The following CEP41 variants were observed in gnomAD, a reference collection of about 807,000 sequenced individuals.
CEP41 encodes centrosomal protein 41.
In CEP41, 32 loss-of-function variants were observed where a neutral mutation model predicts 44.3. The ratio of observed to expected loss-of-function variants is 0.72; its 90% CI spans 0.54 to 0.97. CEP41 has a LOEUF of 0.97. Ranked by LOEUF, CEP41 falls within the 50% of genes least tolerant of loss-of-function variation. The pLI, the probability that CEP41 is intolerant of heterozygous loss-of-function variation, is 0.00. For synonymous variants in CEP41, 151 were observed against 168.5 expected (o/e 0.90, Z 0.80); for missense variants, 432 against 455.2 (o/e 0.95, Z 0.46).
In CEP41 at chr7:130,399,334, A is replaced by G. The variant is rs1210163221; in HGVS notation, c.974-295T>C. 1.8e-5 allele frequency: 8 copies of G among 440,594 alleles called. No individual in the cohort carries two copies. The East Asian group carries it at 3.6e-4, about 20-fold the overall frequency. 27.3% of individuals were successfully genotyped at this position (440,594 alleles called of 1,614,324 possible). On this transcript the variant is annotated intron_variant, in intron 10 of 10. Coordinates refer to ENST00000223208, the MANE Select transcript of CEP41 (RefSeq NM_018718.3). ...ACTACTTCCTTGGTAGAGAGGATGC[A>G]GACGAGGAGTGATTTGGGGAAAGAA... is the stretch of plus-strand genomic sequence containing the variant.
intron 1 of CEP41, among the ~76,000 whole-genome samples, chr7:130,432,677 C>T (rs749840104): frequency 1.3e-4 from 20 of 151,292 alleles, no homozygotes; most frequent in Non-Finnish European, 2.7e-4. Flanking sequence ...GTGGGAAGAT[C>T]CCTTGAGCCC....
chr7:130,441,284 C>T (rs1266719919), upstream of CEP41: 2 of 183,156 alleles, frequency 1.1e-5, no homozygotes, highest in African/African-American at 3.8e-5. Flanking sequence ...GGCGCCTGCG[C>T]AAAGCCGGGG....
chr7:130,400,889 A>C (rs1796824237), intron 8 of CEP41, 68 bp from the exon 9 acceptor site: 1 of 1,002,860 alleles, frequency 1.0e-6, no homozygotes, highest in African/African-American at 1.6e-5. Context: ...GAAACCCCCA[A>C]GGAATAAAAG....
chr7:130,416,608 T>A (rs78504485), intron 3 of CEP41, among the ~76,000 whole-genome samples: 1 of 152,230 alleles, frequency 6.6e-6, no homozygotes, highest in Non-Finnish European at 1.5e-5. Context: ...AAGAAGGGCA[T>A]GAAGACTGCA....
intron 10 of CEP41, 128 bp downstream of exon 10, chr7:130,399,911 C>T: frequency 1.3e-6 from 1 of 787,358 alleles, no homozygotes; most frequent in East Asian, 2.5e-5. Flanking sequence ...GCCTCCCCTC[C>T]CCAGCACCTG....
At chr7:130,418,093 T>C (rs1797387515) in intron 2 of CEP41, among the ~76,000 whole-genome samples, 1 of 152,202 alleles carries the variant, frequency 6.6e-6, no homozygotes, top group Non-Finnish European at 1.5e-5. Context: ...ATTGTTTTCT[T>C]TTCTTTTCTT....
At position 130,398,290 on chromosome 7, in the gene CEP41, T is replaced by C. The variant is rs1264485647; in HGVS notation, c.*601A>G. 1.1e-5 allele frequency: 5 copies of C among 454,012 alleles called. No homozygotes were observed. The highest frequency in any genetic ancestry group is 4.0e-5 in the African/African-American group (2 of 50,074). 28.1% of individuals were successfully genotyped at this position (454,012 alleles called of 1,614,324 possible). A position where few individuals can be genotyped will look rare whatever the true frequency, so the allele number is the denominator to read the frequency against. The stretch of plus-strand genomic sequence containing the variant: ...CTACTTTCCTCATCTTCAATTTCAG[T>C]GAGTACACAGGCACTGGCTTCCATA... On this transcript the variant is annotated 3_prime_UTR_variant, in exon 11 of 11. Coordinates refer to ENST00000223208, the MANE Select transcript of CEP41 (RefSeq NM_018718.3).
chr7:130,423,246 C>T (rs1293504973), intron 2 of CEP41, among the ~76,000 whole-genome samples: 1 of 152,084 alleles, frequency 6.6e-6, no homozygotes, highest in Non-Finnish European at 1.5e-5. Context: ...CTGCGCCCAG[C>T]CAAAAGAACT....
At chr7:130,408,511 A>G (rs1212523191) in intron 5 of CEP41, among the ~76,000 whole-genome samples, 2 of 152,236 alleles carry the variant, frequency 1.3e-5, no homozygotes, top group Non-Finnish European at 2.9e-5. Flanking sequence ...CTTACTATCA[A>G]ATAAATAAAA....
chr7:130,401,964 A>G lies in CEP41; in HGVS notation c.575-16T>C, dbSNP rs1398785489. 2 of 1,576,218 alleles carry G rather than the reference A, an allele frequency of 1.3e-6. No homozygotes were observed. Among genetic ancestry groups the G allele is most frequent in the East Asian group, 4.5e-5 (2 of 44,658 alleles). On this transcript the variant is annotated splice_polypyrimidine_tract_variant and intron_variant, in intron 7 of 10. Coordinates refer to ENST00000223208, the MANE Select transcript of CEP41 (RefSeq NM_018718.3). ...TAACTGTAAGCTGCAAAGAGAAGAA[A>G]AAGTTTAGGAAGTCTGTTGTTCTCT...
At chr7:130,422,589 T>C (rs564561044) in intron 2 of CEP41, among the ~76,000 whole-genome samples, 35 of 152,134 alleles carry the variant, frequency 2.3e-4, no homozygotes, top group Non-Finnish European at 3.5e-4. Flanking sequence ...GGGAGGTAAG[T>C]CACAAAAATG....
chr7:130,436,484 T>C (rs905763618), intron 1 of CEP41, among the ~76,000 whole-genome samples: 3 of 152,214 alleles, frequency 2.0e-5, no homozygotes, highest in African/African-American at 7.2e-5. Flanking sequence ...AATCTACATA[T>C]ATGTAAATCT....
intron 2 of CEP41, among the ~76,000 whole-genome samples, chr7:130,424,312 AC>A (rs1417017624): frequency 1.2e-4 from 18 of 151,948 alleles, no homozygotes; most frequent in African/African-American, 4.1e-4. Flanking sequence ...AGGTGGGAGA[AC>A]TGCTTGAGCC....
intron 5 of CEP41, among the ~76,000 whole-genome samples, chr7:130,406,221 G>A (rs1797003773): frequency 6.6e-6 from 1 of 152,138 alleles, no homozygotes; most frequent in Non-Finnish European, 1.5e-5. Flanking sequence ...ATTTTTAATA[G>A]AGTGGAGGAA....
At chr7:130,404,753 T>A in intron 5 of CEP41, 45 bp from the exon 6 acceptor site, 1 of 1,388,094 alleles carries the variant, frequency 7.2e-7, no homozygotes. Context: ...ACCTCAGGAT[T>A]TGTATTTACT....
At chr7:130,422,969 C>CG (rs781840533) in intron 2 of CEP41, among the ~76,000 whole-genome samples, 9 of 152,130 alleles carry the variant, frequency 5.9e-5, no homozygotes, top group Admixed American at 2.0e-4. Flanking sequence ...TTTTTGGAGA[C>CG]GGAGTCTCGC....
At chr7:130,426,682 G>A (rs1230079290) in intron 2 of CEP41, 1 of 455,822 alleles carries the variant, frequency 2.2e-6, no homozygotes, top group East Asian at 7.0e-5. Context: ...TTAGGGGTTA[G>A]ATGGGTAGAG....
chr7:130,431,369 T>C (rs931227199), intron 1 of CEP41, among the ~76,000 whole-genome samples: 14 of 152,292 alleles, frequency 9.2e-5, no homozygotes, highest in Middle Eastern at 6.8e-3. Flanking sequence ...ATTCATTTGG[T>C]GGACATTTAC....
In CEP41 at chr7:130,393,961, A is replaced by G. The variant is rs1554413418; in HGVS notation, c.*4930T>C. On this transcript the variant is annotated 3_prime_UTR_variant, in exon 11 of 11. Coordinates refer to ENST00000223208, the MANE Select transcript of CEP41 (RefSeq NM_018718.3). ...GTCTTCAAGATAAGACAGCAGACAC[A>G]GGCGGTGGAAATGTGGAAATACGCA... The G allele has an allele frequency of 4.4e-6, 2 of 454,158 alleles. No homozygotes were observed. Among genetic ancestry groups the G allele is most frequent in the Non-Finnish European group, 8.8e-6 (2 of 226,802 alleles). 28.1% of individuals were successfully genotyped at this position (454,158 alleles called of 1,614,324 possible).
Sources: allele counts gnomAD v4.1 joint callset (sites outside exome capture counted in the v4.1 genomes callset), GRCh38; gene constraint gnomAD v4.1.1; transcripts MANE v1.5; gene names NCBI Gene and HGNC (gene_info 2026-07-23, HGNC 2026-07-21).